Variants in L3MBTL4 observed in about 807,000 individuals in gnomAD.
The protein encoded by L3MBTL4 is lethal(3)malignant brain tumor-like protein 4.
L3MBTL4 carries 70 observed loss-of-function variants against 84.5 expected under a neutral mutation model. The ratio of observed to expected loss-of-function variants is 0.83; its 90% confidence interval spans 0.68 to 1.01. The LOEUF (loss-of-function observed/expected upper bound fraction) is 1.01, where lower values mean the gene tolerates loss of function less well. Among genes scored for constraint, L3MBTL4 ranks in the 50% least tolerant of loss-of-function variants. The pLI, the probability that L3MBTL4 is intolerant of heterozygous loss-of-function variation, is 0.00. For missense variants in L3MBTL4, 715 were observed against 754.8 expected (o/e 0.95, Z 0.62); for synonymous variants, 274 against 259.8 (o/e 1.05, Z -0.52).
intron 7 of L3MBTL4, among the ~76,000 whole-genome samples, chr18:6,242,824 T>C (rs1303370272): frequency 6.6e-6 from 1 of 152,192 alleles, no homozygotes; most frequent in Non-Finnish European, 1.5e-5. Context: ...AACAAAACCA[T>C]GATATTTTTC....
chr18:6,149,059 T>C (rs1362129421), intron 13 of L3MBTL4, among the ~76,000 whole-genome samples: 2 of 152,114 alleles, frequency 1.3e-5, no homozygotes, highest in East Asian at 3.8e-4. Context: ...TTTTTTATTA[T>C]TATTATACTT....
intron 15 of L3MBTL4, among the ~76,000 whole-genome samples, chr18:6,088,749 C>G (rs1703157950): frequency 6.6e-6 from 1 of 152,148 alleles, no homozygotes; most frequent in Admixed American, 6.6e-5. Flanking sequence ...GGGTGGAGAT[C>G]ATAGAAGGTA....
intron 1 of L3MBTL4, among the ~76,000 whole-genome samples, chr18:6,351,843 G>A (rs1313671811): frequency 5.9e-5 from 9 of 151,840 alleles, no homozygotes; most frequent in South Asian, 2.1e-4. Flanking sequence ...GAGCAACCGC[G>A]CCCAGCCTAA....
intron 14 of L3MBTL4, among the ~76,000 whole-genome samples, chr18:6,110,778 C>A (rs903335721): frequency 2.0e-5 from 3 of 152,064 alleles, no homozygotes; most frequent in Non-Finnish European, 4.4e-5. Flanking sequence ...TATACATGAG[C>A]ATCACTTGTC....
chr18:6,406,423 G>GA (rs35449967), intron 1 of L3MBTL4, among the ~76,000 whole-genome samples: 37,703 of 152,022 alleles, frequency 0.25, 5,366 homozygotes, highest in East Asian at 0.42. Flanking sequence ...CCTCCTTGTA[G>GA]AGAATGTGCT....
chr18:6,148,763 G>A (rs1442604547), intron 13 of L3MBTL4, among the ~76,000 whole-genome samples: 1 of 152,014 alleles, frequency 6.6e-6, no homozygotes, highest in Non-Finnish European at 1.5e-5. Context: ...TAGAAAAAAT[G>A]TTAAGAGTTA....
chr18:5,969,199 G>A (rs2052508087), intron 17 of L3MBTL4, among the ~76,000 whole-genome samples, 194 bp downstream of exon 17: 2 of 152,104 alleles, frequency 1.3e-5, no homozygotes, highest in South Asian at 2.1e-4. Flanking sequence ...GGCAAGTGGT[G>A]GGCTTTCCTC....
chr18:6,230,447 G>A (rs2046952364), intron 10 of L3MBTL4, among the ~76,000 whole-genome samples: 1 of 152,152 alleles, frequency 6.6e-6, no homozygotes, highest in African/African-American at 2.4e-5. Flanking sequence ...ATTCCATGGT[G>A]AATATGCACC....
At chr18:6,077,600 G>C (rs769127289) in intron 16 of L3MBTL4, among the ~76,000 whole-genome samples, 10 of 151,538 alleles carry the variant, frequency 6.6e-5, no homozygotes, top group Non-Finnish European at 1.2e-4. Context: ...ACATGCCCAA[G>C]ATATAAAAAA....
At chr18:6,384,210 C>T (rs1209033257) in intron 1 of L3MBTL4, among the ~76,000 whole-genome samples, 1 of 152,126 alleles carries the variant, frequency 6.6e-6, no homozygotes, top group East Asian at 1.9e-4. Flanking sequence ...TCCCCACGAC[C>T]TCATCAAAAT....
At chr18:6,167,809 T>G (rs957324925) in intron 13 of L3MBTL4, among the ~76,000 whole-genome samples, 1 of 152,128 alleles carries the variant, frequency 6.6e-6, no homozygotes, top group Non-Finnish European at 1.5e-5. Context: ...TTCAACATAG[T>G]ATTGGAAGTT....
chr18:6,235,041 C>T (rs565097044), intron 10 of L3MBTL4, among the ~76,000 whole-genome samples: 2 of 152,132 alleles, frequency 1.3e-5, no homozygotes, highest in Non-Finnish European at 2.9e-5. Context: ...AGCTGGAAAC[C>T]ATCATTCTGA....
At chr18:6,161,094 A>G (rs2043318850) in intron 13 of L3MBTL4, among the ~76,000 whole-genome samples, 1 of 152,234 alleles carries the variant, frequency 6.6e-6, no homozygotes, top group South Asian at 2.1e-4. Flanking sequence ...AACACAAAGC[A>G]TGATAGAAAG....
Position 6,029,643 on chromosome 18 carries a change from T to C in L3MBTL4, c.1444+51238A>G, listed in dbSNP as rs1006078265. Reference sequence around the variant, plus strand: ...ACATAAAGGAAAACTTAAAATGCAATTACAGGACAGGAAATATTTGAGTAT... The same window carrying C: ...ACATAAAGGAAAACTTAAAATGCAACTACAGGACAGGAAATATTTGAGTAT... On this transcript the variant is annotated intron_variant, in intron 16 of 18. Transcript: ENST00000317931. The C allele has an allele frequency of 3.0e-6, 3 of 985,060 alleles. No homozygotes were observed. The African/African-American group carries it at 5.2e-5, about 17-fold the overall frequency. The allele number at this position is 985,060 out of a possible 1,614,324, so 61.0% of individuals were successfully genotyped here.
At chr18:6,383,990 A>AC (rs1472760588) in intron 1 of L3MBTL4, among the ~76,000 whole-genome samples, 2 of 152,130 alleles carry the variant, frequency 1.3e-5, no homozygotes, top group African/African-American at 4.8e-5. Context: ...AAATTCCTAG[A>AC]CCCCACTCCA....
intron 14 of L3MBTL4, among the ~76,000 whole-genome samples, chr18:6,102,191 C>A (rs905434880): frequency 6.6e-6 from 1 of 152,192 alleles, no homozygotes; most frequent in Non-Finnish European, 1.5e-5. Context: ...AGCAGCTCAG[C>A]AGCACATCAG....
intron 16 of L3MBTL4, among the ~76,000 whole-genome samples, chr18:5,994,866 C>A (rs2053877671): frequency 6.6e-6 from 1 of 152,206 alleles, no homozygotes; most frequent in African/African-American, 2.4e-5. Flanking sequence ...CACATAAAAA[C>A]CATAATCTTG....
chr18:6,131,243 C>A (rs775572456), intron 14 of L3MBTL4, among the ~76,000 whole-genome samples: 1 of 152,146 alleles, frequency 6.6e-6, no homozygotes, highest in Non-Finnish European at 1.5e-5. Context: ...TGCCTGGGAG[C>A]ATTTTCTAGA....
chr18:6,372,848 A>G (rs945660829), intron 1 of L3MBTL4, among the ~76,000 whole-genome samples: 2 of 152,214 alleles, frequency 1.3e-5, no homozygotes, highest in African/African-American at 4.8e-5. Flanking sequence ...TTCACTTAAA[A>G]CATGTTTTCC....
Sources: gnomAD v4.1 joint callset for allele counts (sites outside exome capture counted in the v4.1 genomes callset) on GRCh38, gnomAD v4.1.1 for gene constraint, MANE v1.5 for transcripts, NCBI Gene and HGNC (gene_info 2026-07-23, HGNC 2026-07-21) for gene names.